GALNTL6: variants seen among roughly 807,000 people sequenced by gnomAD.
The protein encoded by GALNTL6 is polypeptide N-acetylgalactosaminyltransferase like 6.
In GALNTL6, 46 loss-of-function variants were observed where a neutral mutation model predicts 73.7. The observed-to-expected ratio is 0.62, with a 90% CI of 0.49 to 0.80. GALNTL6 has a LOEUF of 0.80. Among genes scored for constraint, GALNTL6 ranks in the 30% least tolerant of loss-of-function variants. The probability of loss-of-function intolerance (pLI) is 0.00; values close to 1 mark genes in which losing one functional copy is unlikely to be tolerated. For missense variants in GALNTL6, 604 were observed against 755.0 expected, an observed-to-expected ratio of 0.80 and a Z score of 2.34; for synonymous variants, 259 against 263.7, an observed-to-expected ratio of 0.98 and a Z score of 0.17.
At chr4:172,362,706 C>A (rs2111242307) in intron 5 of GALNTL6, among the ~76,000 whole-genome samples, 1 of 152,288 alleles carries the variant, frequency 6.6e-6, no homozygotes, top group South Asian at 2.1e-4. Flanking sequence ...ACTTCAAACT[C>A]AATGTGTCCA....
intron 5 of GALNTL6, among the ~76,000 whole-genome samples, chr4:172,375,763 C>A (rs1743005640): frequency 6.6e-6 from 1 of 152,178 alleles, no homozygotes; most frequent in African/African-American, 2.4e-5. Flanking sequence ...GCCTGTCCTC[C>A]TAGACCACAA....
At chr4:172,224,184 A>T (rs1175543889) in intron 2 of GALNTL6, among the ~76,000 whole-genome samples, 1 of 152,218 alleles carries the variant, frequency 6.6e-6, no homozygotes, top group Non-Finnish European at 1.5e-5. Flanking sequence ...GGGCTTTCAC[A>T]TACTTTATCA....
intron 5 of GALNTL6, among the ~76,000 whole-genome samples, chr4:172,653,735 A>AT (rs1339233934): frequency 6.6e-6 from 1 of 152,204 alleles, no homozygotes; most frequent in African/African-American, 2.4e-5. Flanking sequence ...CATATAGATA[A>AT]TTTCATGATC....
chr4:172,847,779 G>A (rs1248928527), intron 7 of GALNTL6, among the ~76,000 whole-genome samples: 2 of 152,020 alleles, frequency 1.3e-5, no homozygotes, highest in Admixed American at 1.3e-4. Context: ...TCACTTTTTT[G>A]AGGGTATGAG....
intron 2 of GALNTL6, among the ~76,000 whole-genome samples, chr4:171,904,196 A>C (rs1387390836): frequency 6.6e-6 from 1 of 152,164 alleles, no homozygotes; most frequent in Non-Finnish European, 1.5e-5. Context: ...AAATTACTCC[A>C]AGCTACAGGA....
Position 172,440,671 on chromosome 4 carries a change from C to G in GALNTL6, c.553+91982C>G, listed in dbSNP as rs191169428. Among the ~76,000 whole-genome samples, 48 of 152,236 alleles carry G rather than the reference C, an allele frequency of 3.2e-4. No homozygotes were observed. The East Asian group carries it at 7.9e-3, about 25-fold the overall frequency. On this transcript the variant is annotated intron_variant, in intron 5 of 12. Transcript: ENST00000506823. ...CATCAGTTAAAACGAATGTACCACT[C>G]TGGTAGAACATGTTGGTAATGGAGG...
At chr4:172,529,006 T>C (rs11934807) in intron 5 of GALNTL6, among the ~76,000 whole-genome samples, 14,137 of 31,038 alleles carry the variant, frequency 0.46, 1,237 homozygotes, top group Middle Eastern at 0.55. Flanking sequence ...TATATATATA[T>C]ACACACACAC....
At chr4:172,029,394 C>T (rs1741694770) in intron 2 of GALNTL6, among the ~76,000 whole-genome samples, 1 of 151,950 alleles carries the variant, frequency 6.6e-6, no homozygotes, top group Admixed American at 6.6e-5. Context: ...GATTTAACCT[C>T]AAATGGCTAC....
chr4:172,603,699 T>G, intron 5 of GALNTL6, among the ~76,000 whole-genome samples: 1 of 152,220 alleles, frequency 6.6e-6, no homozygotes, highest in East Asian at 1.9e-4. Flanking sequence ...TTTCCTTCTT[T>G]TTCATTTTAC....
At chr4:172,100,284 C>T (rs1732474279) in intron 2 of GALNTL6, among the ~76,000 whole-genome samples, 1 of 151,990 alleles carries the variant, frequency 6.6e-6, no homozygotes, top group Non-Finnish European at 1.5e-5. Flanking sequence ...ATAGCTGGCC[C>T]TTAATGATAA....
At position 172,269,563 on chromosome 4, in the gene GALNTL6, A is replaced by G. The variant is rs564838443; in HGVS notation, c.247+39799A>G. Among the ~76,000 whole-genome samples, 4 of 152,320 alleles carry G rather than the reference A, an allele frequency of 2.6e-5. 1 individual carries two copies. The highest frequency in any genetic ancestry group is 1.3e-4 in the Admixed American group (2 of 15,298). ...ACAGGAGAGAAGCCTTGAAATTAAC[A>G]GAGTTTATCCAGAAGATACAGCTTT... On this transcript the variant is annotated intron_variant, in intron 3 of 12. Coordinates refer to ENST00000506823, the MANE Select transcript of GALNTL6 (RefSeq NM_001034845.3).
Position 172,894,954 on chromosome 4 carries a change from G to GA in GALNTL6, c.1041+12047_1041+12048insA, listed in dbSNP as rs531722687. Among the ~76,000 whole-genome samples the GA allele has an allele frequency of 1.1e-4, 15 of 142,616 alleles. No individual in the cohort carries two copies. In the South Asian group the frequency reaches 2.8e-3, roughly 27 times the overall value. The allele number at this position is 142,616 out of a possible 152,430, so 93.6% of individuals were successfully genotyped here. On this transcript the variant is annotated intron_variant, in intron 8 of 12. Transcript: ENST00000506823. ...ATATAATGATCTTGTTTTTTTTACA[G>GA]TTTTTTTTTTTTTACTTAAAGTCTC... is the stretch of plus-strand genomic sequence containing the variant.
At chr4:171,938,887 G>A (rs1005970392) in intron 2 of GALNTL6, among the ~76,000 whole-genome samples, 1 of 152,104 alleles carries the variant, frequency 6.6e-6, no homozygotes. Context: ...CAACTAAAAT[G>A]TAAATTGATA....
At chr4:172,909,964 T>C (rs934361698) in intron 8 of GALNTL6, among the ~76,000 whole-genome samples, 1 of 152,052 alleles carries the variant, frequency 6.6e-6, no homozygotes, top group Non-Finnish European at 1.5e-5. Flanking sequence ...ATAATGTAAC[T>C]TTATTTTTAC....
intron 2 of GALNTL6, among the ~76,000 whole-genome samples, chr4:172,028,059 A>C (rs1201237501): frequency 6.6e-6 from 1 of 152,150 alleles, no homozygotes; most frequent in African/African-American, 2.4e-5. Flanking sequence ...GTGGCTACAC[A>C]CTAAACAGCA....
intron 5 of GALNTL6, among the ~76,000 whole-genome samples, chr4:172,643,107 TA>T (rs36032161): frequency 4.7e-5 from 7 of 150,294 alleles, no homozygotes; most frequent in South Asian, 2.1e-4. Context: ...GATTCTTTTG[TA>T]AAAAAAAAAT....
At chr4:172,537,387 T>C (rs1023884884) in intron 5 of GALNTL6, among the ~76,000 whole-genome samples, 2 of 152,116 alleles carry the variant, frequency 1.3e-5, no homozygotes, top group East Asian at 3.9e-4. Flanking sequence ...TGATAGTGAG[T>C]GAGTTTCACA....
chr4:172,728,619 G>A (rs949418780), intron 5 of GALNTL6, among the ~76,000 whole-genome samples: 1 of 152,058 alleles, frequency 6.6e-6, no homozygotes, highest in Non-Finnish European at 1.5e-5. Context: ...TGGCTATTGT[G>A]AATAGTGATT....
At position 172,280,463 on chromosome 4, in the gene GALNTL6, C is replaced by T. The variant is rs192871274; in HGVS notation, c.248-31151C>T. On this transcript the variant is annotated intron_variant, in intron 3 of 12. Transcript: ENST00000506823. Reference sequence around the variant, plus strand: ...ATTGAATCTTGCCTTTTTTATTATACAGTTGGTATAGAGAAATTTTTTTAA... The same window carrying T: ...ATTGAATCTTGCCTTTTTTATTATATAGTTGGTATAGAGAAATTTTTTTAA... Among the ~76,000 whole-genome samples, 31 of 152,036 alleles carry T rather than the reference C, an allele frequency of 2.0e-4. No individual in the cohort carries two copies. The East Asian group carries it at 2.7e-3, about 13-fold the overall frequency.
Sources: gnomAD v4.1 joint callset for allele counts (sites outside exome capture counted in the v4.1 genomes callset) on GRCh38, gnomAD v4.1.1 for gene constraint, MANE v1.5 for transcripts, NCBI Gene and HGNC (gene_info 2026-07-23, HGNC 2026-07-21) for gene names.